NAV3: variants seen among roughly 807,000 people sequenced by gnomAD.
The protein encoded by NAV3 is pore membrane and/or filament interacting like protein 1.
A neutral mutation model predicts 244.7 loss-of-function variants in NAV3; 87 were observed. The observed-to-expected ratio is 0.36, with a 90% CI of 0.30 to 0.42. NAV3 has a LOEUF of 0.42. Ranked by LOEUF, NAV3 falls within the 20% of genes least tolerant of loss-of-function variation. NAV3 has a pLI of 1.00. For synonymous variants in NAV3, 1,126 were observed against 1,042.2 expected (o/e 1.08, Z -1.55); for missense variants, 2,663 against 2,893.3 (o/e 0.92, Z 1.83).
chr12:77,661,777 A>G lies in NAV3; in HGVS notation c.72+89511A>G, dbSNP rs1471390540. 3.3e-5 allele frequency among the ~76,000 whole-genome samples: 5 copies of G among 152,016 alleles called. No individual in the cohort carries two copies. In the East Asian group the frequency reaches 7.7e-4, roughly 23 times the overall value. ...TTTCATACAGCTATCCAATCATCCC[A>G]ATATTATTTATTGAAAAGGCATTCC... is the stretch of plus-strand genomic sequence containing the variant. On this transcript the variant is annotated intron_variant, in intron 2 of 8. Coordinates refer to the NAV3 transcript ENST00000550042.
intron 7 of NAV3, among the ~76,000 whole-genome samples, 196 bp from the exon 8 acceptor site, chr12:78,006,223 A>G (rs1665802949): frequency 1.3e-5 from 2 of 151,942 alleles, no homozygotes; most frequent in South Asian, 2.1e-4. Context: ...CCCAGAATCA[A>G]TGCCTCTCAA....
Position 78,137,284 on chromosome 12 carries a change from C to G in NAV3, c.4549C>G (p.Leu1517Val). The change falls in exon 19 of 40, where the codon CTT (leucine) becomes GTT (valine). Residue 1517 changes from leucine (L) to valine (V), a missense_variant. Coordinates refer to ENST00000397909, the MANE Select transcript of NAV3 (RefSeq NM_001024383.2). ...CTTCGATCTCTATGATGACTCCCAG[C>G]TTTGTGGGAGTGCCACTTCTCTGGA... is the stretch of plus-strand genomic sequence containing the variant. ...SSFDLYDDSQLCGSATSLEER... is the reference protein window; with the variant it reads ...SSFDLYDDSQVCGSATSLEER... 1.9e-6 allele frequency: 3 copies of G among 1,613,776 alleles called. No individual in the cohort carries two copies. Among genetic ancestry groups the G allele is most frequent in the Non-Finnish European group, 2.5e-6 (3 of 1,179,790 alleles).
intron 1 of NAV3, 46 bp from the exon 2 acceptor site, chr12:77,940,273 G>C (rs1731740): frequency 0.85 from 1,187,016 of 1,391,354 alleles, 507,459 homozygotes; most frequent in East Asian, 0.98. Flanking sequence ...TATTGTCTCT[G>C]TTTTCCCTCA....
intron 1 of NAV3, among the ~76,000 whole-genome samples, chr12:77,884,140 G>C (rs916656080): frequency 2.0e-5 from 3 of 152,124 alleles, no homozygotes; most frequent in Non-Finnish European, 4.4e-5. Context: ...CCTAGAAGCA[G>C]TGTCAATTCT....
At chr12:77,685,406 T>C (rs1390327752) in intron 2 of NAV3, among the ~76,000 whole-genome samples, 2 of 151,930 alleles carry the variant, frequency 1.3e-5, no homozygotes. Context: ...CTCTCTTTGT[T>C]CATTCACTGT....
chr12:78,118,172 C>A lies in NAV3; in HGVS notation c.2915C>A (p.Pro972His), dbSNP rs751190776. ...KTVSSGLPED[P>H]EKAGQKASLS... ...GTGTCCTCTGGACTTCCTGAAGACC[C>A]CGAGAAGGCAGGGCAGAAAGCTTCC... Residue 972 changes from proline to histidine, a missense_variant, in exon 14 of 40, where the codon CCC (proline) becomes CAC (histidine). Physicochemically the swap from Pro to His is moderately conservative, Grantham distance 77. Around this residue, in one of 6 missense-constraint regions of NAV3, gnomAD observed 1,521 missense variants for 1,497.0 expected, o/e 1.02. Coordinates refer to ENST00000397909, the MANE Select transcript of NAV3 (RefSeq NM_001024383.2). The A allele has an allele frequency of 6.2e-7, 1 of 1,613,924 alleles. No homozygotes were observed. Among genetic ancestry groups the A allele is most frequent in the Non-Finnish European group, 8.5e-7 (1 of 1,179,974 alleles).
intron 2 of NAV3, among the ~76,000 whole-genome samples, chr12:77,772,585 T>G (rs1287910330): frequency 6.6e-6 from 1 of 152,130 alleles, no homozygotes; most frequent in Non-Finnish European, 1.5e-5. Context: ...ATTTTTATAT[T>G]TTTATATTAT....
chr12:77,633,385 C>A (rs1324491005), intron 2 of NAV3, among the ~76,000 whole-genome samples: 1 of 151,854 alleles, frequency 6.6e-6, no homozygotes. Context: ...CGTTATTTTC[C>A]TGAAGCTAAT....
chr12:77,702,111 A>AT (rs1225117460), intron 2 of NAV3, among the ~76,000 whole-genome samples: 3 of 151,730 alleles, frequency 2.0e-5, no homozygotes, highest in African/African-American at 7.3e-5. Flanking sequence ...TATTTATCAG[A>AT]TTTTGCTTTG....
At chr12:77,986,078 A>C (rs900731094) in intron 5 of NAV3, among the ~76,000 whole-genome samples, 2 of 152,034 alleles carry the variant, frequency 1.3e-5, no homozygotes, top group African/African-American at 4.8e-5. Flanking sequence ...TATTATTTTT[A>C]GGGCTGGGCG....
chr12:78,110,698 G>GTA (rs1338304454), intron 12 of NAV3, among the ~76,000 whole-genome samples: 2 of 151,768 alleles, frequency 1.3e-5, no homozygotes, highest in African/African-American at 4.8e-5. Flanking sequence ...TATATAGTGT[G>GTA]TGTGTGTGTA....
intron 12 of NAV3, among the ~76,000 whole-genome samples, chr12:78,086,972 G>A (rs949832730): frequency 9.2e-5 from 14 of 151,930 alleles, no homozygotes; most frequent in African/African-American, 3.4e-4. Flanking sequence ...AACTGTCAAT[G>A]AAACAATAGG....
intron 2 of NAV3, among the ~76,000 whole-genome samples, chr12:77,593,220 C>T (rs764566746): frequency 6.6e-6 from 1 of 151,824 alleles, no homozygotes; most frequent in Non-Finnish European, 1.5e-5. Flanking sequence ...TACTGTTACA[C>T]CAAGATTATT....
rs531643287 is a variant in NAV3 at position 78,011,351 on chromosome 12, C to T, written c.1907+3906C>T. Among the ~76,000 whole-genome samples, 11 of 152,154 alleles carry T rather than the reference C, an allele frequency of 7.2e-5. No individual in the cohort carries two copies. The East Asian group carries it at 2.1e-3, about 29-fold the overall frequency. ...GATTTTTTAAAAAAATCTCTGCCTT[C>T]TGGGAGCTCAGTCTACTAAGGGTAG... On this transcript the variant is annotated intron_variant, in intron 8 of 39. Transcript: ENST00000397909.
intron 2 of NAV3, among the ~76,000 whole-genome samples, chr12:77,739,447 C>A (rs1868288269): frequency 6.6e-6 from 1 of 152,046 alleles, no homozygotes; most frequent in Non-Finnish European, 1.5e-5. Context: ...AGATTTATAC[C>A]TTTTTGTTAA....
At chr12:77,929,840 G>A (rs1888610985) in intron 1 of NAV3, among the ~76,000 whole-genome samples, 1 of 136,498 alleles carries the variant, frequency 7.3e-6, no homozygotes, top group African/African-American at 2.8e-5. Flanking sequence ...GTAGCAATGA[G>A]GTTTCACCAT....
At chr12:78,067,738 C>G (rs961366763) in intron 12 of NAV3, among the ~76,000 whole-genome samples, 2 of 151,994 alleles carry the variant, frequency 1.3e-5, no homozygotes, top group Admixed American at 6.6e-5. Context: ...ACAACTGGCC[C>G]AAGTTGTAGA....
chr12:78,007,381 C>A lies in NAV3; in HGVS notation c.1843C>A (p.Gln615Lys), dbSNP rs2136600380. The change falls in exon 8 of 40, where the codon CAA becomes AAA. Residue 615 changes from glutamine to lysine, a missense_variant. Physicochemically the swap from Gln to Lys is moderately conservative, Grantham distance 53. This residue lies in a region of NAV3 where 1,521 missense variants were observed against 1,497.0 expected (regional missense o/e 1.02). Transcript: ENST00000397909. ...GCAGAGCACAGGAAATGGTGCTGTC[C>A]AACTCCCTCAACAGCAGCAACATAG... ...SGQSTGNGAV[Q>K]LPQQQQHSHP... is the part of the protein sequence containing the mutation. 6.2e-7 allele frequency: 1 copy of A among 1,614,126 alleles called. No homozygotes were observed. The highest frequency in any genetic ancestry group is 1.1e-5 in the South Asian group (1 of 91,076).
At chr12:77,746,282 C>G (rs951539649) in intron 2 of NAV3, among the ~76,000 whole-genome samples, 1 of 151,984 alleles carries the variant, frequency 6.6e-6, no homozygotes, top group African/African-American at 2.4e-5. Flanking sequence ...GTGAAAACAG[C>G]CTTAGACAAT....
Sources: allele counts gnomAD v4.1 joint callset (sites outside exome capture counted in the v4.1 genomes callset), GRCh38; gene constraint gnomAD v4.1.1; regional missense constraint gnomAD v4.1.1; transcripts MANE v1.5; gene names NCBI Gene and HGNC (gene_info 2026-07-23, HGNC 2026-07-21).